CKAP5: variants seen among roughly 807,000 people sequenced by gnomAD.
CKAP5 encodes the protein cytoskeleton-associated protein 5.
In CKAP5, 27 loss-of-function variants were observed where a neutral mutation model predicts 232.8. The ratio of observed to expected loss-of-function variants is 0.12; its 90% CI spans 0.09 to 0.16. The LOEUF is 0.16. CKAP5 is among the 10% of genes least tolerant of loss of function. CKAP5 has a pLI of 1.00. For synonymous variants in CKAP5, 785 were observed against 841.1 expected (o/e 0.93, Z 1.16); for missense variants, 1,838 against 2,424.7 (o/e 0.76, Z 5.08).
chr11:46,801,133 C>T, intron 9 of CKAP5, 67 bp downstream of exon 9: 1 of 1,134,342 alleles, frequency 8.8e-7, no homozygotes, highest in South Asian at 1.2e-5. Flanking sequence ...TTAAAGCAAA[C>T]AGCAAACTAG....
chr11:46,809,459 C>T lies in CKAP5; in HGVS notation c.805G>A (p.Glu269Lys), dbSNP rs1939227565. Residue 269 changes from glutamate to lysine, a missense_variant, in exon 7 of 44, where the codon GAG becomes AAG. Physicochemically the swap from Glu to Lys is moderately conservative, Grantham distance 56. Coordinates refer to ENST00000529230, the MANE Select transcript of CKAP5 (RefSeq NM_001008938.4). ...AGGATTTCTACAGCTTCTAAAAGCT[C>T]ATAAGCATCTATTTGTGGCACCTCA... Reference protein sequence around the residue: ...GDEVPQIDAYELLEAVEILSK... With the variant: ...GDEVPQIDAYKLLEAVEILSK... 1.9e-6 allele frequency: 3 copies of T among 1,613,640 alleles called. No homozygotes were observed. The highest frequency in any genetic ancestry group is 1.7e-5 in the Admixed American group (1 of 59,954).
chr11:46,759,073 A>G (rs748769608), intron 34 of CKAP5, 30 bp from the exon 35 acceptor site: 2 of 1,610,108 alleles, frequency 1.2e-6, no homozygotes, highest in Non-Finnish European at 1.7e-6. Flanking sequence ...GAAAACTTCA[A>G]CCTCTATTAC....
chr11:46,838,131 A>G (rs1013431029), intron 1 of CKAP5, among the ~76,000 whole-genome samples: 99 of 152,292 alleles, frequency 6.5e-4, no homozygotes, highest in African/African-American at 2.1e-3. Context: ...TCCTGCCCAA[A>G]ACCTGTAACT....
Position 46,816,412 on chromosome 11 carries a change from ATAT to A in CKAP5, c.252-11_252-9del. On this transcript the variant is annotated splice_polypyrimidine_tract_variant and intron_variant, in intron 3 of 43. Transcript: ENST00000529230. The stretch of plus-strand genomic sequence containing the variant: ...ACAACTTCTCCTGTGGTTCTGTAAC[ATAT>A]TATAAAGAACAAAAATCCCACTTAA... 6.2e-7 allele frequency: 1 copy of A among 1,612,216 alleles called. No individual in the cohort carries two copies. The highest frequency in any genetic ancestry group is 1.1e-5 in the South Asian group (1 of 90,946).
rs1406099803 is a variant in CKAP5 at position 46,747,919 on chromosome 11, G to C, written c.5704+2355C>G. Among the ~76,000 whole-genome samples the C allele has an allele frequency of 2.6e-5, 4 of 152,148 alleles. No individual in the cohort carries two copies. The East Asian group carries it at 7.7e-4, about 29-fold the overall frequency. Reference sequence around the variant, plus strand: ...TACAAAAAATACAAAAATTAGCCAGGCATGGTGGCATGCACCTGTAGTCCC... The same window carrying C: ...TACAAAAAATACAAAAATTAGCCAGCCATGGTGGCATGCACCTGTAGTCCC... On this transcript the variant is annotated intron_variant, in intron 42 of 43. Transcript: ENST00000529230.
intron 22 of CKAP5, 76 bp from the exon 23 acceptor site, chr11:46,777,628 TAC>T: frequency 6.7e-6 from 6 of 896,204 alleles, no homozygotes; most frequent in Non-Finnish European, 1.1e-5. Flanking sequence ...TTTGCTGCTA[TAC>T]TGTCAATACA....
At chr11:46,798,694 G>C (rs1235480199) in intron 9 of CKAP5, among the ~76,000 whole-genome samples, 9 of 152,180 alleles carry the variant, frequency 5.9e-5, no homozygotes, top group African/African-American at 2.2e-4. Flanking sequence ...TCAAGGGCAG[G>C]GAGCAGCATG....
At chr11:46,809,994 CAG>C (rs1939240092) in intron 5 of CKAP5, 120 bp from the exon 6 acceptor site, 4 of 963,452 alleles carry the variant, frequency 4.2e-6, no homozygotes, top group Non-Finnish European at 6.0e-6. Flanking sequence ...TTATTGGAGA[CAG>C]AGTCTTACTC....
chr11:46,744,084 G>T lies in CKAP5; in HGVS notation c.6038C>A (p.Ser2013Tyr). 1 of 1,613,794 alleles carries T rather than the reference G, an allele frequency of 6.2e-7. No homozygotes were observed. The highest frequency in any genetic ancestry group is 8.5e-7 in the Non-Finnish European group (1 of 1,179,860). The change falls in exon 44 of 44, where the codon TCC becomes TAC. Residue 2013 changes from serine (S) to tyrosine (Y), a missense_variant. Ser to Tyr is a moderately radical substitution (Grantham distance 144). Transcript: ENST00000529230. ...HSSGTVTSSSSTANIDDLKKR... is the reference protein window; with the variant it reads ...HSSGTVTSSSYTANIDDLKKR... ...TTTCAAGTCGTCTATGTTAGCTGTG[G>T]AGGAGGAGGAGGTCACAGTTCCTGA...
chr11:46,793,572 T>C (rs1270994674), intron 13 of CKAP5, among the ~76,000 whole-genome samples: 1 of 152,272 alleles, frequency 6.6e-6, no homozygotes, highest in Non-Finnish European at 1.5e-5. Flanking sequence ...TTATTAATGT[T>C]AAGTGTGTTG....
intron 1 of CKAP5, 115 bp from the exon 2 acceptor site, chr11:46,821,383 T>C: frequency 1.8e-6 from 1 of 557,926 alleles, no homozygotes; most frequent in Non-Finnish European, 3.1e-6. Flanking sequence ...AAAAATCCCG[T>C]TCTTTCGTCA....
intron 37 of CKAP5, 117 bp downstream of exon 37, chr11:46,753,193 G>T: frequency 1.3e-6 from 1 of 741,574 alleles, no homozygotes; most frequent in Non-Finnish European, 2.2e-6. Context: ...AGTGTGCCTA[G>T]GAAGTTGATT....
In CKAP5 at chr11:46,818,442, T is replaced by G; in HGVS notation, c.119A>C (p.Asp40Ala). ...EALKIFQKIK[D>A]EKSPEWSKFL... The stretch of plus-strand genomic sequence containing the variant: ...TTTGGACCACTCTGGGCTCTTTTCA[T>G]CCTTTATTTTCTGGAAGATCTTCAG... Residue 40 changes from aspartate to alanine, a missense_variant, in exon 3 of 44, where the codon GAT (aspartate) becomes GCT (alanine). By Grantham distance (126) the Asp-to-Ala change is moderately radical. Around this residue, in one of 6 missense-constraint regions of CKAP5, gnomAD observed 285 missense variants for 300.0 expected, o/e 0.95. Coordinates refer to ENST00000529230, the MANE Select transcript of CKAP5 (RefSeq NM_001008938.4). The G allele has an allele frequency of 6.2e-7, 1 of 1,608,806 alleles. No individual in the cohort carries two copies. The highest frequency in any genetic ancestry group is 1.7e-4 in the Middle Eastern group (1 of 6,046).
chr11:46,762,481 G>A, intron 31 of CKAP5, 146 bp downstream of exon 31: 1 of 1,035,308 alleles, frequency 9.7e-7, no homozygotes, highest in East Asian at 2.4e-5. Context: ...CCACCAGTGT[G>A]CAACTCATCA....
intron 36 of CKAP5, among the ~76,000 whole-genome samples, chr11:46,754,414 C>G (rs953602394): frequency 6.6e-6 from 1 of 152,166 alleles, no homozygotes; most frequent in Non-Finnish European, 1.5e-5. Context: ...ATATTGAAAT[C>G]TGAGTGAGAA....
chr11:46,752,217 C>CACACAT (rs2065073031), intron 38 of CKAP5, among the ~76,000 whole-genome samples: 4 of 123,894 alleles, frequency 3.2e-5, no homozygotes, highest in Non-Finnish European at 3.6e-5. Flanking sequence ...CACACACACA[C>CACACAT]ACACACACAC....
intron 27 of CKAP5, among the ~76,000 whole-genome samples, chr11:46,767,141 C>T (rs4534535): frequency 0.14 from 21,068 of 151,970 alleles, 2,449 homozygotes; most frequent in East Asian, 0.6. Flanking sequence ...CCTGCCTCAA[C>T]TTCCCAAGTA....
intron 1 of CKAP5, among the ~76,000 whole-genome samples, chr11:46,837,909 A>T (rs1939952274): frequency 6.6e-6 from 1 of 152,218 alleles, no homozygotes; most frequent in Non-Finnish European, 1.5e-5. Flanking sequence ...GGAACTCCCC[A>T]TTCCTTAAGT....
At chr11:46,752,534 T>G (rs1435039739) in intron 38 of CKAP5, 101 bp downstream of exon 38, 1 of 823,178 alleles carries the variant, frequency 1.2e-6, no homozygotes, top group Non-Finnish European at 1.9e-6. Context: ...CTTGGTTGAT[T>G]TGAGCCTATG....
Sources: gnomAD v4.1 joint callset for allele counts (sites outside exome capture counted in the v4.1 genomes callset) on GRCh38, gnomAD v4.1.1 for gene constraint, gnomAD v4.1.1 regional missense constraint, MANE v1.5 for transcripts, NCBI Gene and HGNC (gene_info 2026-07-23, HGNC 2026-07-21) for gene names.